NEK11: variants seen among roughly 807,000 people sequenced by gnomAD.
The protein encoded by NEK11 is NIMA related kinase 11.
A neutral mutation model predicts 80.7 loss-of-function variants in NEK11; 72 were observed. That is an observed-to-expected ratio of 0.89 (90% CI 0.74 to 1.08). The LOEUF (loss-of-function observed/expected upper bound fraction) is 1.08. Ranked by LOEUF, NEK11 falls within the 50% of genes least tolerant of loss-of-function variation. The pLI, the probability that NEK11 is intolerant of heterozygous loss-of-function variation, is 0.00. For synonymous variants in NEK11, 251 were observed against 260.7 expected, an observed-to-expected ratio of 0.96 and a Z score of 0.36; for missense variants, 764 against 763.6, an observed-to-expected ratio of 1.00 and a Z score of -0.01.
intron 13 of NEK11, 142 bp from the exon 14 acceptor site, chr3:131,170,631 C>T: frequency 1.6e-6 from 1 of 615,856 alleles, no homozygotes; most frequent in Admixed American, 2.7e-5. Flanking sequence ...CACCTTACCT[C>T]CTGAAGTTTG....
chr3:131,162,579 C>T (rs751557284), intron 11 of NEK11, 52 bp downstream of exon 11: 5 of 1,597,276 alleles, frequency 3.1e-6, no homozygotes, highest in South Asian at 2.3e-5. Context: ...TCTCAGGGCT[C>T]TCAGGGAATT....
intron 4 of NEK11, among the ~76,000 whole-genome samples, chr3:131,093,754 T>C (rs963053936): frequency 4.6e-5 from 7 of 152,238 alleles, no homozygotes; most frequent in Non-Finnish European, 7.4e-5. Flanking sequence ...TTAGTGAAAT[T>C]TGTTACATGG....
At chr3:131,245,315 G>GTT (rs796712927) in intron 16 of NEK11, among the ~76,000 whole-genome samples, 1 of 151,772 alleles carries the variant, frequency 6.6e-6, no homozygotes, top group African/African-American at 2.4e-5. Context: ...GTGTGTGTGT[G>GTT]TGTGTGTGTG....
intron 15 of NEK11, among the ~76,000 whole-genome samples, chr3:131,238,978 A>G (rs2108020399): frequency 6.6e-6 from 1 of 152,252 alleles, no homozygotes; most frequent in South Asian, 2.1e-4. Context: ...AAACTACAAC[A>G]GAGTTGCAAT....
chr3:131,319,594 G>A (rs999189324), intron 17 of NEK11, among the ~76,000 whole-genome samples: 2 of 152,166 alleles, frequency 1.3e-5, no homozygotes, highest in African/African-American at 2.4e-5. Context: ...TGGTGGGTCT[G>A]TAGGGGAAAT....
At chr3:131,305,087 G>T (rs2096708849) in intron 17 of NEK11, among the ~76,000 whole-genome samples, 1 of 151,694 alleles carries the variant, frequency 6.6e-6, no homozygotes, top group Non-Finnish European at 1.5e-5. Flanking sequence ...GCATGGTGGG[G>T]TGCCCACACA....
At chr3:131,284,249 G>C (rs546068903) in intron 17 of NEK11, among the ~76,000 whole-genome samples, 2 of 152,302 alleles carry the variant, frequency 1.3e-5, no homozygotes, top group South Asian at 4.2e-4. Context: ...TCTCTGAAGC[G>C]GAGGTTCACT....
At chr3:131,279,265 G>A (rs556461580) in intron 17 of NEK11, among the ~76,000 whole-genome samples, 8 of 152,030 alleles carry the variant, frequency 5.3e-5, no homozygotes, top group African/African-American at 9.6e-5. Flanking sequence ...CAGGAGAATC[G>A]CTTGAACCCA....
intron 10 of NEK11, among the ~76,000 whole-genome samples, chr3:131,159,910 T>C (rs1290284529): frequency 1.3e-5 from 2 of 152,060 alleles, no homozygotes; most frequent in Admixed American, 6.6e-5. Context: ...CCAAGAAATA[T>C]GGGATTATGT....
chr3:131,084,085 T>C (rs540859610), intron 4 of NEK11, among the ~76,000 whole-genome samples: 1 of 152,250 alleles, frequency 6.6e-6, no homozygotes, highest in Non-Finnish European at 1.5e-5. Flanking sequence ...ATAAACAAGG[T>C]TCCTTTCCCA....
intron 3 of NEK11, among the ~76,000 whole-genome samples, chr3:131,055,817 A>G (rs2069363205): frequency 6.6e-6 from 1 of 152,228 alleles, no homozygotes; most frequent in Non-Finnish European, 1.5e-5. Flanking sequence ...TTGGTAGTTC[A>G]TATTACGTTT....
At chr3:131,283,425 AT>A (rs2096428378) in intron 17 of NEK11, among the ~76,000 whole-genome samples, 1 of 152,054 alleles carries the variant, frequency 6.6e-6, no homozygotes, top group Non-Finnish European at 1.5e-5. Flanking sequence ...GTCTGCTGTC[AT>A]ATTTTATGCC....
At chr3:131,333,731 T>C (rs542491958) in intron 17 of NEK11, among the ~76,000 whole-genome samples, 1 of 152,342 alleles carries the variant, frequency 6.6e-6, no homozygotes, top group East Asian at 1.9e-4. Context: ...CCATCTCATG[T>C]GCTGAGACAC....
chr3:131,071,679 G>C (rs978309440), intron 3 of NEK11, among the ~76,000 whole-genome samples: 6 of 151,934 alleles, frequency 3.9e-5, no homozygotes, highest in Non-Finnish European at 7.4e-5. Flanking sequence ...GTTTTGAAAT[G>C]TACTAATAAC....
At chr3:131,309,598 A>G (rs2096756931) in intron 17 of NEK11, among the ~76,000 whole-genome samples, 2 of 125,314 alleles carry the variant, frequency 1.6e-5, no homozygotes, top group South Asian at 6.2e-4. Context: ...GGTACAAGAA[A>G]AATGCTTTCT....
chr3:131,183,116 T>C (rs1412949408), intron 14 of NEK11, among the ~76,000 whole-genome samples: 2 of 152,102 alleles, frequency 1.3e-5, no homozygotes, highest in Non-Finnish European at 2.9e-5. Flanking sequence ...ATTTTAGTGG[T>C]ATACTTGAGA....
chr3:131,273,420 C>T (rs117649685), intron 16 of NEK11, 58 bp from the exon 17 acceptor site: 29,262 of 1,332,148 alleles, frequency 0.022, 460 homozygotes, highest in East Asian at 0.071. Flanking sequence ...CCTTGAACAT[C>T]GCCTTGAAGT....
chr3:131,100,681 T>C (rs898882086), intron 4 of NEK11, among the ~76,000 whole-genome samples: 1 of 152,210 alleles, frequency 6.6e-6, no homozygotes, highest in Admixed American at 6.5e-5. Context: ...ATGTTCATCA[T>C]GGATATTGGC....
At chr3:131,240,176 C>T (rs1297210798) in intron 15 of NEK11, among the ~76,000 whole-genome samples, 1 of 152,098 alleles carries the variant, frequency 6.6e-6, no homozygotes, top group Non-Finnish European at 1.5e-5. Context: ...TGTCTTTAAG[C>T]CTTGCCTTCC....
Sources: gnomAD v4.1 joint callset for allele counts (sites outside exome capture counted in the v4.1 genomes callset) on GRCh38, gnomAD v4.1.1 for gene constraint, MANE v1.5 for transcripts, NCBI Gene and HGNC (gene_info 2026-07-23, HGNC 2026-07-21) for gene names.